BSN: variants seen among roughly 807,000 people sequenced by gnomAD.
The protein encoded by BSN is bassoon presynaptic cytomatrix protein, also known as protein bassoon.
In BSN, 57 loss-of-function variants were observed where a neutral mutation model predicts 264.8. That is an observed-to-expected ratio of 0.22 (90% CI 0.17 to 0.27). The LOEUF (loss-of-function observed/expected upper bound fraction) is 0.27. Among genes scored for constraint, BSN ranks in the 10% least tolerant of loss-of-function variants. BSN has a pLI of 1.00. For missense variants in BSN, 4,615 were observed against 5,232.5 expected (o/e 0.88, Z 3.64); for synonymous variants, 2,059 against 2,137.3 (o/e 0.96, Z 1.01).
intron 2 of BSN, among the ~76,000 whole-genome samples, chr3:49,634,671 C>T (rs891290865): frequency 2.0e-5 from 3 of 152,186 alleles, no homozygotes; most frequent in African/African-American, 4.8e-5. Flanking sequence ...GGATTACAGG[C>T]GTGAGCCGCA....
rs2052562070 is a variant in BSN at position 49,653,399 on chromosome 3, T to G, written c.3843T>G (p.Ala1281=). Residue 1281 remains alanine (A), a synonymous_variant, in exon 5 of 12, where the codon GCT becomes GCG. Coordinates refer to ENST00000296452, the MANE Select transcript of BSN (RefSeq NM_003458.4). This position sits in a 1 kb window ranked among gnomAD's most constrained non-coding sequence, Gnocchi z 6.3. ...RQASSRDLAF[A]EDKKKEKQFL... is the part of the protein sequence containing the mutation. The stretch of plus-strand genomic sequence containing the variant: ...CCTCCTCACGAGACCTGGCTTTTGC[T>G]GAGGACAAAAAGAAGGAGAAGCAGT... 7 of 1,613,810 alleles carry G rather than the reference T, an allele frequency of 4.3e-6. No homozygotes were observed. The highest frequency in any genetic ancestry group is 5.1e-6 in the Non-Finnish European group (6 of 1,179,984).
At chr3:49,583,323 A>T (rs2051909077) in intron 1 of BSN, among the ~76,000 whole-genome samples, 1 of 152,196 alleles carries the variant, frequency 6.6e-6, no homozygotes, top group Admixed American at 6.5e-5. Context: ...ATAAAGCCCA[A>T]TAGAAGGATG....
intron 1 of BSN, among the ~76,000 whole-genome samples, chr3:49,580,974 T>G (rs1478957067): frequency 7.0e-6 from 1 of 142,812 alleles, no homozygotes; most frequent in Admixed American, 6.9e-5. Context: ...TCAGCGCCTG[T>G]TAACTTTTTT....
intron 1 of BSN, among the ~76,000 whole-genome samples, chr3:49,597,192 AT>A (rs780683804): frequency 2.6e-5 from 4 of 151,620 alleles, no homozygotes; most frequent in Non-Finnish European, 4.4e-5. Context: ...GGCCCTGTTC[AT>A]TTTTCTTTAT....
At chr3:49,606,579 C>T (rs11917431) in intron 1 of BSN, among the ~76,000 whole-genome samples, 41,663 of 151,368 alleles carry the variant, frequency 0.28, 6,288 homozygotes, top group Middle Eastern at 0.3. Context: ...CAGTGCAGCC[C>T]AGTGCCAGGG....
At position 49,662,044 on chromosome 3, in the gene BSN, G is replaced by A. The variant is rs773815797; in HGVS notation, c.10199G>A (p.Arg3400Gln). Reference sequence around the variant, plus strand: ...GCAGTCAGCAGCAGCCTGGTCTCTCGGGGCAGGAAGTTCCAGGATGAAATC... The same window carrying A: ...GCAGTCAGCAGCAGCCTGGTCTCTCAGGGCAGGAAGTTCCAGGATGAAATC... ...PPAVSSSLVSRGRKFQDEITY... is the reference protein window; with the variant it reads ...PPAVSSSLVSQGRKFQDEITY... The change falls in exon 6 of 12, where the codon CGG becomes CAG. Residue 3400 changes from arginine (R) to glutamine (Q), a missense_variant. Physicochemically the swap from Arg to Gln is conservative, Grantham distance 43. Coordinates refer to ENST00000296452, the MANE Select transcript of BSN (RefSeq NM_003458.4). The A allele has an allele frequency of 3.1e-6, 5 of 1,613,772 alleles. No individual in the cohort carries two copies. The highest frequency in any genetic ancestry group is 3.3e-5 in the Admixed American group (2 of 60,036).
chr3:49,626,924 G>A (rs2052344548), intron 2 of BSN, among the ~76,000 whole-genome samples: 1 of 152,226 alleles, frequency 6.6e-6, no homozygotes, highest in Non-Finnish European at 1.5e-5. Context: ...CCAAGCCCAG[G>A]ACCTTCAATG....
Position 49,588,941 on chromosome 3 carries a change from G to T in BSN, c.224+34115G>T, listed in dbSNP as rs75245211. On this transcript the variant is annotated intron_variant, in intron 1 of 11. Coordinates refer to ENST00000296452, the MANE Select transcript of BSN (RefSeq NM_003458.4). ...AGTGTTTTTTTTTTTTTGAGACAGA[G>T]TCTCGCTCTGTCGCCCAGGCTGGAG... 9.0e-4 allele frequency among the ~76,000 whole-genome samples: 135 copies of T among 150,112 alleles called. 2 individuals are homozygous for T. The East Asian group carries it at 0.022, about 24-fold the overall frequency.
chr3:49,584,277 G>A (rs550128771), intron 1 of BSN, among the ~76,000 whole-genome samples: 1 of 72,656 alleles, frequency 1.4e-5, no homozygotes, highest in South Asian at 8.3e-4. Context: ...TTAAAAGAAG[G>A]CTTATTGATT....
At position 49,656,836 on chromosome 3, in the gene BSN, TGCA is replaced by T. The variant is rs1361513225; in HGVS notation, c.7290_7292del (p.Gln2431del). ...CTGCAGACCATCAAGCACCATGTGC[TGCA>T]GCAGCAGCAAGAGGAACGCCAGGCT... On this transcript the variant is annotated inframe_deletion, in exon 5 of 12. Transcript: ENST00000296452. The T allele has an allele frequency of 6.2e-7, 1 of 1,600,916 alleles. No homozygotes were observed. Among genetic ancestry groups the T allele is most frequent in the Non-Finnish European group, 8.5e-7 (1 of 1,174,424 alleles).
intron 11 of BSN, among the ~76,000 whole-genome samples, chr3:49,666,974 GC>G (rs1345992246): frequency 6.6e-6 from 1 of 152,218 alleles, no homozygotes; most frequent in African/African-American, 2.4e-5. Context: ...CACAAGTGGT[GC>G]TGAAAGTGGG....
chr3:49,565,021 A>G (rs1338443861), intron 1 of BSN, among the ~76,000 whole-genome samples: 1 of 151,798 alleles, frequency 6.6e-6, no homozygotes, highest in Non-Finnish European at 1.5e-5. Flanking sequence ...GAAAAGAAGA[A>G]GAAAGGATGG....
intron 1 of BSN, among the ~76,000 whole-genome samples, chr3:49,564,060 C>A (rs1008984075): frequency 2.6e-5 from 4 of 152,168 alleles, no homozygotes; most frequent in Admixed American, 2.6e-4. Context: ...TTCACTTCTC[C>A]AGCTCCTGTG....
intron 1 of BSN, among the ~76,000 whole-genome samples, chr3:49,617,920 C>T (rs1007307814): frequency 3.9e-5 from 6 of 152,142 alleles, no homozygotes; most frequent in Non-Finnish European, 7.4e-5. Context: ...AGCCTTTCTT[C>T]CTGTGACTTC....
chr3:49,555,920 G>T (rs2051665680), intron 1 of BSN, among the ~76,000 whole-genome samples: 1 of 152,228 alleles, frequency 6.6e-6, no homozygotes, highest in Non-Finnish European at 1.5e-5. Context: ...TGCCTCTTGT[G>T]TGTTTATTTC....
At chr3:49,621,583 C>T (rs148024753) in intron 1 of BSN, among the ~76,000 whole-genome samples, 192 of 152,156 alleles carry the variant, frequency 1.3e-3, no homozygotes, top group African/African-American at 4.4e-3. Flanking sequence ...ATGTGACTGT[C>T]GGATTTGATG....
At chr3:49,621,584 G>T (rs1039257254) in intron 1 of BSN, among the ~76,000 whole-genome samples, 1 of 152,116 alleles carries the variant, frequency 6.6e-6, no homozygotes, top group Non-Finnish European at 1.5e-5. Context: ...TGTGACTGTC[G>T]GATTTGATGA....
intron 2 of BSN, among the ~76,000 whole-genome samples, chr3:49,634,982 G>A (rs1447306541): frequency 6.6e-6 from 1 of 152,188 alleles, no homozygotes; most frequent in Non-Finnish European, 1.5e-5. Context: ...AGAGGGGGCT[G>A]AGGCTGAGGC....
At chr3:49,673,087 CTTTTTTTTTT>C (rs71080543), downstream of BSN, among the ~76,000 whole-genome samples, 455 of 43,226 alleles carry the variant, frequency 0.011, 19 homozygotes, top group African/African-American at 0.033. Flanking sequence ...CCGGCCGGGA[CTTTTTTTTTT>C]TTTTTTTTTT....
Sources: gnomAD v4.1 joint callset for allele counts (sites outside exome capture counted in the v4.1 genomes callset) on GRCh38, gnomAD v4.1.1 for gene constraint, Gnocchi (gnomAD v3.1) non-coding constraint, MANE v1.5 for transcripts, NCBI Gene and HGNC (gene_info 2026-07-23, HGNC 2026-07-21) for gene names.